The following HYCC1 variants were observed in gnomAD, a reference collection of about 807,000 sequenced individuals.
HYCC1 encodes the protein hyccin PI4KA lipid kinase complex subunit 1, also known as hyccin.
the HYCC1 span, among the ~76,000 whole-genome samples, chr7:22,910,630 CATGTAT>C: frequency 6.6e-6 from 1 of 152,156 alleles, no homozygotes; most frequent in African/African-American, 2.4e-5. Context: ...CCAAGATGCA[CATGTAT>C]AACTGCAAGG....
the HYCC1 span, chr7:22,940,314 T>C: frequency 1.4e-5 from 2 of 138,804 alleles, no homozygotes; most frequent in African/African-American, 5.4e-5. Context: ...TACAGTGGCA[T>C]GATCTCGGCT....
chr7:22,964,904 G>A, the HYCC1 span, among the ~76,000 whole-genome samples: 1 of 152,036 alleles, frequency 6.6e-6, no homozygotes, highest in African/African-American at 2.4e-5. Context: ...GGAGGCCAAG[G>A]CAGGTGGATC....
At chr7:22,990,792 A>T in the HYCC1 span, among the ~76,000 whole-genome samples, 2 of 152,344 alleles carry the variant, frequency 1.3e-5, no homozygotes, top group South Asian at 4.1e-4. Flanking sequence ...TGACATCAAC[A>T]TTCAGAGACT....
the HYCC1 span, among the ~76,000 whole-genome samples, chr7:22,962,526 T>C: frequency 6.9e-6 from 1 of 145,112 alleles, no homozygotes; most frequent in South Asian, 2.2e-4. Flanking sequence ...AGAGCAGCAA[T>C]CCCTTTCACC....
the HYCC1 span, among the ~76,000 whole-genome samples, chr7:22,972,944 T>TA: frequency 2.4e-4 from 37 of 152,274 alleles, no homozygotes; most frequent in African/African-American, 8.7e-4. Context: ...ATCAGAAGAT[T>TA]AAAAAAAGAC....
the HYCC1 span, chr7:22,941,956 A>G: frequency 3.3e-5 from 5 of 152,300 alleles, no homozygotes; most frequent in Non-Finnish European, 5.9e-5. Context: ...TTTTTAAAAA[A>G]TATTTTTCAG....
At chr7:22,994,656 C>T in the HYCC1 span, among the ~76,000 whole-genome samples, 5 of 152,090 alleles carry the variant, frequency 3.3e-5, no homozygotes, top group East Asian at 1.9e-4. Context: ...TTGTTTAGCA[C>T]GCATGCAAGC....
chr7:22,960,272 A>G, the HYCC1 span: 2 of 1,613,672 alleles, frequency 1.2e-6, no homozygotes, highest in Non-Finnish European at 1.7e-6. Flanking sequence ...TTTTCCACCT[A>G]TGACCCCTTA....
the HYCC1 span, among the ~76,000 whole-genome samples, chr7:22,898,145 A>G: frequency 6.6e-6 from 1 of 151,572 alleles, no homozygotes; most frequent in African/African-American, 2.4e-5. Flanking sequence ...TCCCAGGCTC[A>G]AGCCATCCTC....
At chr7:22,978,558 T>A in the HYCC1 span, 1 of 914,132 alleles carries the variant, frequency 1.1e-6, no homozygotes, top group Non-Finnish European at 1.7e-6. Flanking sequence ...TCTTTTTAAG[T>A]TCTTAAAATA....
At chr7:23,008,446 G>C in the HYCC1 span, among the ~76,000 whole-genome samples, 1 of 151,982 alleles carries the variant, frequency 6.6e-6, no homozygotes, top group African/African-American at 2.4e-5. Flanking sequence ...TGATAACATT[G>C]TATTAATAGA....
At chr7:22,983,027 T>C in the HYCC1 span, among the ~76,000 whole-genome samples, 13 of 152,130 alleles carry the variant, frequency 8.5e-5, no homozygotes, top group African/African-American at 3.1e-4. Context: ...TTTTATTACC[T>C]TCAAACTAAA....
the HYCC1 span, among the ~76,000 whole-genome samples, chr7:22,947,558 T>G: frequency 6.6e-6 from 1 of 152,084 alleles, no homozygotes; most frequent in Non-Finnish European, 1.5e-5. Context: ...TAAAATTTGT[T>G]TTTAAATTGT....
chr7:22,967,490 A>G, the HYCC1 span, among the ~76,000 whole-genome samples: 1 of 152,252 alleles, frequency 6.6e-6, no homozygotes, highest in African/African-American at 2.4e-5. Context: ...GAGCCAGAAC[A>G]TGAATATCTT....
At chr7:22,920,648 C>T in the HYCC1 span, among the ~76,000 whole-genome samples, 29 of 152,220 alleles carry the variant, frequency 1.9e-4, no homozygotes, top group African/African-American at 6.5e-4. Flanking sequence ...AGCAAGTAAA[C>T]TCAAATGAAA....
chr7:22,989,286 A>G, the HYCC1 span, among the ~76,000 whole-genome samples: 1 of 3,306 alleles, frequency 3.0e-4, no homozygotes, highest in Non-Finnish European at 7.2e-4. Flanking sequence ...CAAGCAGGAA[A>G]CACACACACA....
the HYCC1 span, among the ~76,000 whole-genome samples, chr7:22,929,569 G>A: frequency 2.4e-3 from 373 of 152,296 alleles, 5 homozygotes; most frequent in East Asian, 0.015. Flanking sequence ...AGACATTTAT[G>A]CAGCCAAAAA....
chr7:22,897,779 G>T, the HYCC1 span, among the ~76,000 whole-genome samples: 1 of 151,744 alleles, frequency 6.6e-6, no homozygotes, highest in Non-Finnish European at 1.5e-5. Flanking sequence ...TAATTTTTGT[G>T]TGTTTTTAAA....
the HYCC1 span, chr7:22,934,703 A>G: frequency 6.6e-6 from 1 of 152,262 alleles, no homozygotes; most frequent in Non-Finnish European, 1.5e-5. Flanking sequence ...GAAACCTGAC[A>G]CAAGATTCCA....
Sources: allele counts gnomAD v4.1 joint callset (sites outside exome capture counted in the v4.1 genomes callset), GRCh38; gene constraint gnomAD v4.1.1; transcripts MANE v1.5; gene names NCBI Gene and HGNC (gene_info 2026-07-23, HGNC 2026-07-21).